Variants in DIDO1 observed in about 807,000 individuals in gnomAD.
DIDO1 encodes death inducer-obliterator 1.
In DIDO1, 16 loss-of-function variants were observed where a neutral mutation model predicts 99.4. The ratio of observed to expected loss-of-function variants is 0.16; its 90% confidence interval spans 0.11 to 0.24. The LOEUF is 0.24. DIDO1 is among the 10% of genes least tolerant of loss of function. The pLI, the probability that DIDO1 is intolerant of heterozygous loss-of-function variation, is 1.00. For synonymous variants in DIDO1, 1,366 were observed against 1,239.1 expected (o/e 1.10, Z -2.15); for missense variants, 2,996 against 3,014.0 (o/e 0.99, Z 0.14).
At position 62,879,095 on chromosome 20, in the gene DIDO1, C is replaced by A; in HGVS notation, c.*138G>T. ...AAAGATGTGAAATCTTGTAAGAAAC[C>A]ATTTACACAAAATTACAGTAATGTT... On this transcript the variant is annotated 3_prime_UTR_variant, in exon 16 of 16. Coordinates refer to ENST00000395343, the MANE Select transcript of DIDO1 (RefSeq NM_001193369.2). The surrounding 1 kb of genome is among the most constrained non-coding windows in gnomAD (Gnocchi z 6.3). The A allele has an allele frequency of 2.7e-6, 2 of 731,118 alleles. No homozygotes were observed. Among genetic ancestry groups the A allele is most frequent in the Non-Finnish European group, 4.0e-6 (2 of 503,740 alleles). The allele number at this position is 731,118 out of a possible 1,614,324, so 45.3% of individuals were successfully genotyped here.
chr20:62,885,875 C>T (rs139051316), intron 15 of DIDO1, among the ~76,000 whole-genome samples: 154 of 152,358 alleles, frequency 1.0e-3, no homozygotes, highest in African/African-American at 3.7e-3. Flanking sequence ...AAAGGGTGTG[C>T]CTGCCACTGC....
Position 62,895,061 on chromosome 20 carries a change from C to A in DIDO1, c.2319G>T (p.Arg773Ser). The part of the protein sequence containing the change: ...VSKELSTWKE[R>S]PARSVMESRT... ...CCTCAGCACTCACAGATCTCGCTGGCCTCTCTTTCCACGTGGAAAGCTCTT... is the reference window on the plus strand; with the variant it reads ...CCTCAGCACTCACAGATCTCGCTGGACTCTCTTTCCACGTGGAAAGCTCTT... The change falls in exon 9 of 16, where the codon AGG becomes AGT. Residue 773 changes from arginine (R) to serine (S), a missense_variant. This residue lies in a region of DIDO1 where 898 missense variants were observed against 972.7 expected (regional missense o/e 0.92). Coordinates refer to ENST00000395343, the MANE Select transcript of DIDO1 (RefSeq NM_001193369.2). 1.2e-6 allele frequency: 2 copies of A among 1,608,498 alleles called. No homozygotes were observed. The highest frequency in any genetic ancestry group is 1.7e-6 in the Non-Finnish European group (2 of 1,175,130).
In DIDO1 at chr20:62,879,884, C is replaced by T; in HGVS notation, c.6072G>A (p.Arg2024=). 1 of 1,588,646 alleles carries T rather than the reference C, an allele frequency of 6.3e-7. No homozygotes were observed. Among genetic ancestry groups the T allele is most frequent in the Non-Finnish European group, 8.5e-7 (1 of 1,169,784 alleles). ...QAPQVMKPGP[R]PLLELPSHPP... is the part of the protein sequence containing the mutation. ...GGTGGCTGGGAAGCTCCAGCAGGGG[C>T]CTGGGGCCCGGCTTCATCACCTGCG... is the stretch of plus-strand genomic sequence containing the variant. The change falls in exon 16 of 16, where the codon AGG becomes AGA. Residue 2024 remains arginine, a synonymous_variant. Coordinates refer to ENST00000395343, the MANE Select transcript of DIDO1 (RefSeq NM_001193369.2). The surrounding 1 kb of genome is among the most constrained non-coding windows in gnomAD (Gnocchi z 6.3).
At chr20:62,934,852 G>A (rs1378955254) in intron 1 of DIDO1, among the ~76,000 whole-genome samples, 3 of 152,182 alleles carry the variant, frequency 2.0e-5, no homozygotes, top group Admixed American at 6.5e-5. Context: ...CGCCTTTGAA[G>A]CCCCTGGTTC....
At position 62,879,560 on chromosome 20, in the gene DIDO1, G is replaced by A. The variant is rs761925612; in HGVS notation, c.6396C>T (p.Pro2132=). The A allele has an allele frequency of 3.1e-6, 5 of 1,600,868 alleles. No homozygotes were observed. In the Admixed American group the frequency reaches 8.3e-5, roughly 27 times the overall value. ...NWSRERDWDR[P]REWDRHRDKD... Reference sequence around the variant, plus strand: ...TGTCCCGGTGTCGGTCCCACTCCCGGGGCCGGTCCCAGTCCCGCTCTCGGC... The same window carrying A: ...TGTCCCGGTGTCGGTCCCACTCCCGAGGCCGGTCCCAGTCCCGCTCTCGGC... Residue 2132 remains proline (P), a synonymous_variant, in exon 16 of 16, where the codon CCC becomes CCT. Coordinates refer to ENST00000395343, the MANE Select transcript of DIDO1 (RefSeq NM_001193369.2). This position sits in a 1 kb window ranked among gnomAD's most constrained non-coding sequence, Gnocchi z 6.3.
At chr20:62,909,678 T>C (rs1005274273) in intron 4 of DIDO1, 21 bp downstream of exon 4, 3 of 1,609,796 alleles carry the variant, frequency 1.9e-6, no homozygotes, top group Non-Finnish European at 2.5e-6. Flanking sequence ...TGAATGCTCG[T>C]CTCAGCGGAC....
chr20:62,904,806 AAG>A (rs2064763742), intron 6 of DIDO1, among the ~76,000 whole-genome samples: 1 of 141,400 alleles, frequency 7.1e-6, no homozygotes, highest in Non-Finnish European at 1.5e-5. Context: ...AAAAAAAAAA[AAG>A]TGTCTTTTTT....
chr20:62,900,064 C>A (rs1448555592), intron 6 of DIDO1, among the ~76,000 whole-genome samples: 2 of 152,240 alleles, frequency 1.3e-5, no homozygotes, highest in Non-Finnish European at 2.9e-5. Context: ...AACCCCACTG[C>A]AGAAACACAG....
chr20:62,888,043 G>GC (rs1406346953), intron 15 of DIDO1: 6 of 985,444 alleles, frequency 6.1e-6, no homozygotes, highest in Non-Finnish European at 7.2e-6. Flanking sequence ...TGCTGCGGGG[G>GC]CAGCTCCACT....
In DIDO1 at chr20:62,910,959, C is replaced by A. The variant is rs1265094286; in HGVS notation, c.654G>T (p.Glu218Asp). Residue 218 changes from glutamate to aspartate, a missense_variant, in exon 3 of 16, where the codon GAG becomes GAT. Physicochemically the swap from Glu to Asp is conservative, Grantham distance 45. Coordinates refer to ENST00000395343, the MANE Select transcript of DIDO1 (RefSeq NM_001193369.2). ...TVEGVLPSKQ[E>D]PENDQGVVSQ... ...ACACAACCCCCTGATCGTTCTCGGG[C>A]TCCTGCTTACTGGGCAGGACGCCCT... is the stretch of plus-strand genomic sequence containing the variant. The A allele has an allele frequency of 2.5e-6, 4 of 1,614,066 alleles. No individual in the cohort carries two copies. The East Asian group carries it at 6.7e-5, about 27-fold the overall frequency.
intron 15 of DIDO1, among the ~76,000 whole-genome samples, chr20:62,885,260 C>A (rs907241690): frequency 6.6e-6 from 1 of 152,102 alleles, no homozygotes; most frequent in Admixed American, 6.6e-5. Flanking sequence ...GGACCCTGGG[C>A]AGTAGGGCTT....
At chr20:62,903,369 T>G (rs2064727323) in intron 6 of DIDO1, among the ~76,000 whole-genome samples, 1 of 152,120 alleles carries the variant, frequency 6.6e-6, no homozygotes, top group South Asian at 2.1e-4. Context: ...CAGCGGTAGC[T>G]CCACCACGTG....
chr20:62,881,671 C>T lies in DIDO1; in HGVS notation c.4285G>A (p.Glu1429Lys), dbSNP rs192630141. Residue 1429 changes from glutamate to lysine, a missense_variant, in exon 16 of 16, where the codon GAG (glutamate) becomes AAG (lysine). By Grantham distance (56) the Glu-to-Lys change is moderately conservative (BLOSUM62 1). Transcript: ENST00000395343. The surrounding 1 kb of genome is among the most constrained non-coding windows in gnomAD (Gnocchi z 8.3). ...GCTTCTTCTAAGATGGTCTCATCCT[C>T]GGGGTCATAGGCCACCTCTTCCCGC... is the stretch of plus-strand genomic sequence containing the variant. Reference protein sequence around the residue: ...AEREEVAYDPEDETILEEAKV... With the variant: ...AEREEVAYDPKDETILEEAKV... The T allele has an allele frequency of 1.2e-6, 2 of 1,612,766 alleles. No homozygotes were observed. Among genetic ancestry groups the T allele is most frequent in the Admixed American group, 1.7e-5 (1 of 60,020 alleles).
intron 1 of DIDO1, among the ~76,000 whole-genome samples, chr20:62,922,243 T>TATATATATAC (rs2065168639): frequency 1.7e-5 from 2 of 114,300 alleles, no homozygotes; most frequent in African/African-American, 6.1e-5. Flanking sequence ...TATATATATA[T>TATATATATAC]ACACACACAC....
At position 62,893,755 on chromosome 20, in the gene DIDO1, A is replaced by G; in HGVS notation, c.3012T>C (p.Thr1004=). The G allele has an allele frequency of 1.2e-6, 2 of 1,614,236 alleles. No homozygotes were observed. The highest frequency in any genetic ancestry group is 8.5e-7 in the Non-Finnish European group (1 of 1,180,036). The change falls in exon 12 of 16, where the codon ACT becomes ACC. Residue 1004 remains threonine, a synonymous_variant. Transcript: ENST00000395343. ...GTATGGACTTGGGCACCATCACAGA[A>G]GTCAAGACAGGCTTCGGCACATCCT... ...ARQDVPKPVL[T]SVMVPKSILA...
Position 62,882,198 on chromosome 20 carries a change from A to G in DIDO1, c.3758T>C (p.Val1253Ala). ...CGGCGACCCAGGAGGTGTGGTGCTG[A>G]CAGCCGCGTCTGCAGAGCAGAGTGG... ...KYPLCSADAAVSTTPPGSPPP... is the reference protein window; with the variant it reads ...KYPLCSADAAASTTPPGSPPP... Residue 1253 changes from valine (V) to alanine (A), a missense_variant, in exon 16 of 16, where the codon GTC becomes GCC. By Grantham distance (64) the Val-to-Ala change is moderately conservative. Around this residue, in one of 5 missense-constraint regions of DIDO1, gnomAD observed 1,562 missense variants for 1,412.6 expected, o/e 1.11. Transcript: ENST00000395343. 1.2e-6 allele frequency: 2 copies of G among 1,613,600 alleles called. No homozygotes were observed. The highest frequency in any genetic ancestry group is 1.7e-6 in the Non-Finnish European group (2 of 1,180,032).
chr20:62,930,537 C>A (rs145341129), upstream of DIDO1, among the ~76,000 whole-genome samples: 4 of 152,216 alleles, frequency 2.6e-5, no homozygotes, highest in Admixed American at 1.3e-4. Context: ...ACGTTCTATG[C>A]GGCATATGAG....
intron 15 of DIDO1, chr20:62,888,496 T>G (rs1489581078): frequency 1.0e-6 from 1 of 985,368 alleles, no homozygotes; most frequent in East Asian, 1.1e-4. Context: ...GGGGCGTGAC[T>G]CCAAGCTGCG....
At chr20:62,883,637 C>G (rs2064248789) in intron 15 of DIDO1, among the ~76,000 whole-genome samples, 1 of 152,138 alleles carries the variant, frequency 6.6e-6, no homozygotes, top group African/African-American at 2.4e-5. Flanking sequence ...CCATCCTGGC[C>G]AACATGGTGA....
Sources: allele counts gnomAD v4.1 joint callset (sites outside exome capture counted in the v4.1 genomes callset), GRCh38; gene constraint gnomAD v4.1.1; regional missense constraint gnomAD v4.1.1; non-coding constraint Gnocchi (gnomAD v3.1); transcripts MANE v1.5; gene names NCBI Gene and HGNC (gene_info 2026-07-23, HGNC 2026-07-21).